Variants in SLC15A3 observed in about 807,000 individuals in gnomAD.
SLC15A3 encodes the protein solute carrier family 15 member 3, also known as osteoclast transporter.
SLC15A3 carries 39 observed loss-of-function variants against 49.2 expected under a neutral mutation model. That is an observed-to-expected ratio of 0.79 (90% confidence interval 0.61 to 1.04). SLC15A3 has a LOEUF of 1.04. Ranked by LOEUF, SLC15A3 falls within the 50% of genes least tolerant of loss-of-function variation. The pLI, the probability that SLC15A3 is intolerant of heterozygous loss-of-function variation, is 0.00. For missense variants in SLC15A3, 758 were observed against 794.8 expected, an observed-to-expected ratio of 0.95 and a Z score of 0.56; for synonymous variants, 339 against 367.0, an observed-to-expected ratio of 0.92 and a Z score of 0.87.
Position 60,943,789 on chromosome 11 carries a change from G to A in SLC15A3, c.896C>T (p.Pro299Leu). 1 of 1,602,580 alleles carries A rather than the reference G, an allele frequency of 6.2e-7. No individual in the cohort carries two copies. Among genetic ancestry groups the A allele is most frequent in the African/African-American group, 1.3e-5 (1 of 74,474 alleles). ...RVLADERSPQ[P>L]GASPQEDIAN... ...GATGTCCTCTTGCGGGGAAGCCCCTGGCTGGGGAGACCTCTCGTCGGCCAG... is the reference window on the plus strand; with the variant it reads ...GATGTCCTCTTGCGGGGAAGCCCCTAGCTGGGGAGACCTCTCGTCGGCCAG... The change falls in exon 3 of 8, where the codon CCA becomes CTA. Residue 299 changes from proline to leucine, a missense_variant. By Grantham distance (98) the Pro-to-Leu change is moderately conservative. Around this residue, in one of 3 missense-constraint regions of SLC15A3, gnomAD observed 699 missense variants for 706.7 expected, o/e 0.99. Coordinates refer to ENST00000227880, the MANE Select transcript of SLC15A3 (RefSeq NM_016582.3).
Position 60,937,944 on chromosome 11 carries a change from C to G in SLC15A3, c.1517G>C (p.Gly506Ala). The change falls in exon 7 of 8, where the codon GGC (glycine) becomes GCC (alanine). Residue 506 changes from glycine (G) to alanine (A), a missense_variant. Coordinates refer to ENST00000227880, the MANE Select transcript of SLC15A3 (RefSeq NM_016582.3). ...MGIFFCLSGV[G>A]SLLGSSLVAL... ...CACTAGGCTGGAGCCCAACAGTGAGCCCACCCCCGACAGGCAGAAGAAGAT... is the reference window on the plus strand; with the variant it reads ...CACTAGGCTGGAGCCCAACAGTGAGGCCACCCCCGACAGGCAGAAGAAGAT... 6.2e-7 allele frequency: 1 copy of G among 1,614,210 alleles called. No homozygotes were observed. The highest frequency in any genetic ancestry group is 8.5e-7 in the Non-Finnish European group (1 of 1,180,018).
intron 2 of SLC15A3, 93 bp from the exon 3 acceptor site, chr11:60,943,929 G>A (rs1250708078): frequency 8.0e-6 from 10 of 1,257,622 alleles, no homozygotes; most frequent in African/African-American, 3.1e-5. Context: ...AGGCTGAGGC[G>A]GGTGGATCAC....
intron 2 of SLC15A3, among the ~76,000 whole-genome samples, chr11:60,945,949 A>T (rs1286012731): frequency 6.6e-6 from 1 of 151,776 alleles, no homozygotes; most frequent in Non-Finnish European, 1.5e-5. Flanking sequence ...TATCCTTACT[A>T]CCATCTTCAC....
At chr11:60,938,133 G>T in intron 6 of SLC15A3, 108 bp from the exon 7 acceptor site, 1 of 1,355,364 alleles carries the variant, frequency 7.4e-7, no homozygotes, top group Non-Finnish European at 9.9e-7. Context: ...CCACCCTCCA[G>T]GCTTCCCCTG....
chr11:60,938,061 G>A (rs762503888), intron 6 of SLC15A3, 36 bp from the exon 7 acceptor site: 2 of 1,606,424 alleles, frequency 1.2e-6, no homozygotes, highest in South Asian at 2.2e-5. Context: ...TCAGGGGCTG[G>A]TGCAGGCGCA....
At chr11:60,950,146 A>T (rs1856888441) in intron 1 of SLC15A3, among the ~76,000 whole-genome samples, 2 of 152,238 alleles carry the variant, frequency 1.3e-5, no homozygotes, top group African/African-American at 2.4e-5. Flanking sequence ...GATATAAATG[A>T]GTTCTTGCCC....
chr11:60,938,952 C>T (rs1856667865), intron 6 of SLC15A3, among the ~76,000 whole-genome samples: 1 of 152,228 alleles, frequency 6.6e-6, no homozygotes, highest in Non-Finnish European at 1.5e-5. Flanking sequence ...TTTTTGCTGA[C>T]TGAAGGGCCT....
chr11:60,945,780 C>T (rs1031910189), intron 2 of SLC15A3, among the ~76,000 whole-genome samples: 3 of 152,166 alleles, frequency 2.0e-5, no homozygotes, highest in Non-Finnish European at 2.9e-5. Flanking sequence ...TTTCCTAAGA[C>T]GCTGTGATGG....
intron 4 of SLC15A3, 184 bp from the exon 5 acceptor site, chr11:60,941,474 TC>T: frequency 1.8e-6 from 1 of 546,072 alleles, no homozygotes; most frequent in Non-Finnish European, 3.2e-6. Flanking sequence ...GCAAATAGGT[TC>T]CTCTTGTATT....
At chr11:60,941,785 A>G (rs554022663) in intron 4 of SLC15A3, 1 of 479,260 alleles carries the variant, frequency 2.1e-6, no homozygotes, top group East Asian at 3.9e-5. Context: ...CAAATTAGGC[A>G]GCGAGACCTG....
chr11:60,947,304 T>C (rs1248828717), intron 1 of SLC15A3, among the ~76,000 whole-genome samples: 1 of 152,086 alleles, frequency 6.6e-6, no homozygotes, highest in Non-Finnish European at 1.5e-5. Context: ...CTCAGCCTCC[T>C]GAGTAGCTGG....
chr11:60,943,139 C>A lies in SLC15A3; in HGVS notation c.996+550G>T, dbSNP rs912691204. On this transcript the variant is annotated intron_variant, in intron 3 of 7. Coordinates refer to ENST00000227880, the MANE Select transcript of SLC15A3 (RefSeq NM_016582.3). ...AATAGCCTGTGGTTGGACTTGGAATCTGTTTTTAAAACAGCATATTTTTAA... is the reference window on the plus strand; with the variant it reads ...AATAGCCTGTGGTTGGACTTGGAATATGTTTTTAAAACAGCATATTTTTAA... 2.0e-5 allele frequency: 3 copies of A among 152,344 alleles called. 1 individual carries two copies. In the South Asian group the frequency reaches 6.2e-4, roughly 32 times the overall value. The allele number at this position is 152,344 out of a possible 1,614,324, so 9.4% of individuals were successfully genotyped here. A position where few individuals can be genotyped will look rare whatever the true frequency, so the allele number is the denominator to read the frequency against.
chr11:60,946,908 T>C, intron 1 of SLC15A3, 87 bp from the exon 2 acceptor site: 1 of 1,450,558 alleles, frequency 6.9e-7, no homozygotes, highest in South Asian at 1.4e-5. Flanking sequence ...CAGAGACACT[T>C]CTTGGGTCAG....
At position 60,951,221 on chromosome 11, in the gene SLC15A3, A is replaced by G; in HGVS notation, c.331T>C (p.Tyr111His). ...YRAVALSLLL[Y>H]LAASGLLPAT... ...GGCAGCAGGCCCGAGGCGGCCAGGT[A>G]GAGCAGCAGGCTGAGCGCGACCGCG... is the stretch of plus-strand genomic sequence containing the variant. The change falls in exon 1 of 8, where the codon TAC becomes CAC. Residue 111 changes from tyrosine to histidine, a missense_variant. Coordinates refer to ENST00000227880, the MANE Select transcript of SLC15A3 (RefSeq NM_016582.3). The G allele has an allele frequency of 6.6e-7, 1 of 1,507,272 alleles. No homozygotes were observed. The allele number at this position is 1,507,272 out of a possible 1,614,324, so 93.4% of individuals were successfully genotyped here. A position where few individuals can be genotyped will look rare whatever the true frequency, so the allele number is the denominator to read the frequency against.
At chr11:60,941,642 A>T in intron 4 of SLC15A3, 1 of 322,994 alleles carries the variant, frequency 3.1e-6, no homozygotes, top group Non-Finnish European at 5.7e-6. Flanking sequence ...CATTCATTTC[A>T]TGAGTCTGAA....
intron 5 of SLC15A3, 75 bp from the exon 6 acceptor site, chr11:60,939,713 G>C: frequency 6.5e-7 from 1 of 1,537,022 alleles, no homozygotes. Flanking sequence ...CTTGTACATG[G>C]TGGGGATGGG....
chr11:60,949,564 G>GAAAGAAAGAAAGAAAGAAAAGAAAAGA (rs1554986438), intron 1 of SLC15A3, among the ~76,000 whole-genome samples: 2 of 117,912 alleles, frequency 1.7e-5, no homozygotes, highest in African/African-American at 3.0e-5. Context: ...AAGAAAGAAA[G>GAAAGAAAGAAAGAAAGAAAAGAAAAGA]AAAGAAAAGA....
At position 60,951,835 on chromosome 11, in the gene SLC15A3, G is replaced by T; in HGVS notation, c.-284C>A. ...GCTTCCTCCCCGCGCCTCTCCTGCA[G>T]CTGTTTCTCCCTAACTCTCCCCTCT... On this transcript the variant is annotated 5_prime_UTR_variant, in exon 1 of 8. The change creates a new upstream start codon in the 5' untranslated region. Coordinates refer to ENST00000227880, the MANE Select transcript of SLC15A3 (RefSeq NM_016582.3). 1 of 167,424 alleles carries T rather than the reference G, an allele frequency of 6.0e-6. No homozygotes were observed. The highest frequency in any genetic ancestry group is 1.3e-5 in the Non-Finnish European group (1 of 79,798). 10.4% of individuals were successfully genotyped at this position (167,424 alleles called of 1,614,324 possible).
chr11:60,949,519 A>AGAAC (rs1856867753), intron 1 of SLC15A3, among the ~76,000 whole-genome samples: 1 of 72,348 alleles, frequency 1.4e-5, no homozygotes, highest in Non-Finnish European at 3.7e-5. Flanking sequence ...AAAGAAAGAA[A>AGAAC]GAAAGAAAGA....
Sources: allele counts gnomAD v4.1 joint callset (sites outside exome capture counted in the v4.1 genomes callset), GRCh38; gene constraint gnomAD v4.1.1; regional missense constraint gnomAD v4.1.1; transcripts MANE v1.5; gene names NCBI Gene and HGNC (gene_info 2026-07-23, HGNC 2026-07-21).